The following ANKRD44 variants were observed in gnomAD, a reference collection of about 807,000 sequenced individuals.
The protein encoded by ANKRD44 is ankyrin repeat domain 44.
A neutral mutation model predicts 116.0 loss-of-function variants in ANKRD44; 35 were observed. That is an observed-to-expected ratio of 0.30 (90% CI 0.23 to 0.40). The LOEUF (loss-of-function observed/expected upper bound fraction) is 0.40, where lower values mean the gene tolerates loss of function less well. Among genes scored for constraint, ANKRD44 ranks in the 10% least tolerant of loss-of-function variants. The probability of loss-of-function intolerance (pLI) is 1.00; values close to 1 mark genes in which losing one functional copy is unlikely to be tolerated. For synonymous variants in ANKRD44, 435 were observed against 461.8 expected, an observed-to-expected ratio of 0.94 and a Z score of 0.74; for missense variants, 1,014 against 1,242.6, an observed-to-expected ratio of 0.82 and a Z score of 2.77.
rs35554022 is a variant in ANKRD44 at position 197,307,551 on chromosome 2, G to GGA, written c.27+3026_27+3027insTC. Reference sequence around the variant, plus strand: ...TAGCTCCCAGTTCCTTTTTTACAGTGAAAAAAAAAAAAAAAAGACTAAAAA... The same window carrying GGA: ...TAGCTCCCAGTTCCTTTTTTACAGTGGAAAAAAAAAAAAAAAAAGACTAAAAA... On this transcript the variant is annotated intron_variant, in intron 1 of 27. Transcript: ENST00000282272. Among the ~76,000 whole-genome samples the GGA allele has an allele frequency of 9.8e-4, 131 of 133,878 alleles. No homozygotes were observed. The Middle Eastern group carries it at 0.019, about 19-fold the overall frequency. The allele number at this position is 133,878 out of a possible 152,430, so 87.8% of individuals were successfully genotyped here. A position where few individuals can be genotyped will look rare whatever the true frequency, so the allele number is the denominator to read the frequency against.
intron 1 of ANKRD44, among the ~76,000 whole-genome samples, chr2:197,242,023 A>T (rs1248646039): frequency 6.6e-6 from 1 of 152,126 alleles, no homozygotes; most frequent in African/African-American, 2.4e-5. Flanking sequence ...TCTATATATA[A>T]AAACTTGCTA....
chr2:197,065,399 C>G (rs1045613347), intron 16 of ANKRD44, among the ~76,000 whole-genome samples: 1 of 152,080 alleles, frequency 6.6e-6, no homozygotes, highest in African/African-American at 2.4e-5. Flanking sequence ...ACTAGAGAAG[C>G]AAGAGCAAAC....
Position 197,212,147 on chromosome 2 carries a change from G to T in ANKRD44, c.28-25041C>A, listed in dbSNP as rs758207251. 6.6e-6 allele frequency among the ~76,000 whole-genome samples: 1 copy of T among 152,048 alleles called. No individual in the cohort carries two copies. The highest frequency in any genetic ancestry group is 1.5e-5 in the Non-Finnish European group (1 of 68,014). ...GAGTTTTGGAACTGGAACAAGGAGGGACTTTCTGGTGGATCAAAGTATGCT... is the reference window on the plus strand; with the variant it reads ...GAGTTTTGGAACTGGAACAAGGAGGTACTTTCTGGTGGATCAAAGTATGCT... On this transcript the variant is annotated intron_variant, in intron 1 of 27. Coordinates refer to ENST00000282272, the MANE Select transcript of ANKRD44 (RefSeq NM_001195144.2). The surrounding 1 kb of genome is among the most constrained non-coding windows in gnomAD (Gnocchi z 4.8).
intron 16 of ANKRD44, among the ~76,000 whole-genome samples, chr2:197,052,688 G>C (rs979443863): frequency 5.9e-5 from 9 of 152,076 alleles, no homozygotes; most frequent in African/African-American, 1.9e-4. Context: ...AAGGTGAGCT[G>C]CTCGCCTCAG....
chr2:197,257,693 A>G (rs2082487004), intron 1 of ANKRD44, among the ~76,000 whole-genome samples: 1 of 152,180 alleles, frequency 6.6e-6, no homozygotes, highest in Non-Finnish European at 1.5e-5. Flanking sequence ...CATTTCATGT[A>G]CCCCACAAAT....
Position 197,089,977 on chromosome 2 carries a change from C to G in ANKRD44, c.1156G>C (p.Asp386His). The stretch of plus-strand genomic sequence containing the variant: ...GATGATAACAACTTTCTGCAGCAGT[C>G]AGAGTGAGCATTTAGGGCAGCTAAA... ...LHLAALNAHS[D>H]CCRKLLSSGF... Residue 386 changes from aspartate to histidine, a missense_variant, in exon 11 of 28, where the codon GAC (aspartate) becomes CAC (histidine). Asp to His is a moderately conservative substitution (Grantham distance 81). Coordinates refer to ENST00000282272, the MANE Select transcript of ANKRD44 (RefSeq NM_001195144.2). 6.2e-7 allele frequency: 1 copy of G among 1,614,028 alleles called. No individual in the cohort carries two copies. The highest frequency in any genetic ancestry group is 8.5e-7 in the Non-Finnish European group (1 of 1,179,932).
intron 17 of ANKRD44, among the ~76,000 whole-genome samples, chr2:197,017,375 C>CTTATTTTA (rs2125929012): frequency 6.6e-6 from 1 of 152,146 alleles, no homozygotes; most frequent in East Asian, 1.9e-4. Context: ...ACTTATTTTA[C>CTTATTTTA]CTTATCTTTT....
At chr2:197,148,784 TGTC>T (rs1295422171) in intron 2 of ANKRD44, among the ~76,000 whole-genome samples, 2 of 152,240 alleles carry the variant, frequency 1.3e-5, no homozygotes, top group Non-Finnish European at 2.9e-5. Context: ...AAACTCATGT[TGTC>T]TATGTATGGC....
At chr2:197,196,679 T>G (rs984813520) in intron 1 of ANKRD44, among the ~76,000 whole-genome samples, 1 of 152,222 alleles carries the variant, frequency 6.6e-6, no homozygotes, top group Non-Finnish European at 1.5e-5. Flanking sequence ...TCAGTCACAT[T>G]AAATCATTCA....
intron 1 of ANKRD44, among the ~76,000 whole-genome samples, chr2:197,230,583 T>G (rs1168278994): frequency 1.3e-5 from 2 of 152,108 alleles, no homozygotes; most frequent in Admixed American, 1.3e-4. Flanking sequence ...AAAAGTATTT[T>G]TATGGCATGT....
chr2:197,091,063 T>C (rs1048906971), intron 10 of ANKRD44, among the ~76,000 whole-genome samples: 1 of 152,382 alleles, frequency 6.6e-6, no homozygotes. Context: ...GCTGGCCCTT[T>C]GCCCTCGCTG....
intron 2 of ANKRD44, among the ~76,000 whole-genome samples, chr2:197,148,135 A>G (rs919628561): frequency 6.6e-6 from 1 of 152,184 alleles, no homozygotes; most frequent in African/African-American, 2.4e-5. Context: ...AAGATCATAT[A>G]AGTAAATAAA....
chr2:197,099,979 C>A, intron 9 of ANKRD44, 49 bp from the exon 10 acceptor site: 1 of 1,551,214 alleles, frequency 6.4e-7, no homozygotes, highest in South Asian at 1.1e-5. Flanking sequence ...CAGGTTGATT[C>A]AGGTCCTATG....
rs569527043 is a variant in ANKRD44 at position 196,969,022 on chromosome 2, T to C, written c.2369-1576A>G. 3.9e-5 allele frequency among the ~76,000 whole-genome samples: 6 copies of C among 152,310 alleles called. No homozygotes were observed. In the East Asian group the frequency reaches 9.6e-4, roughly 24 times the overall value. ...ACCAGATACAACTTATTTATACATA[T>C]GTGCCACTCATACATTCACTTATTG... On this transcript the variant is annotated intron_variant, in intron 21 of 21. Transcript: ENST00000424317.
intron 16 of ANKRD44, among the ~76,000 whole-genome samples, chr2:197,034,541 TAAA>T (rs879318253): frequency 2.1e-5 from 3 of 139,836 alleles, no homozygotes; most frequent in South Asian, 4.6e-4. Context: ...GTCCTCTGCC[TAAA>T]AAAAAAAAAA....
intron 1 of ANKRD44, among the ~76,000 whole-genome samples, chr2:197,253,989 A>T (rs1018474643): frequency 2.0e-5 from 3 of 152,204 alleles, no homozygotes; most frequent in Admixed American, 1.3e-4. Context: ...GCCACCCACA[A>T]TGGGAGTATT....
intron 1 of ANKRD44, among the ~76,000 whole-genome samples, chr2:197,243,694 C>A (rs568284014): frequency 1.3e-5 from 2 of 152,198 alleles, no homozygotes; most frequent in Admixed American, 6.5e-5. Flanking sequence ...CTGTTCCTCA[C>A]GGATGGCACC....
chr2:197,008,796 A>G, intron 19 of ANKRD44, 148 bp downstream of exon 19: 2 of 662,310 alleles, frequency 3.0e-6, no homozygotes, highest in Non-Finnish European at 5.3e-6. Flanking sequence ...ACTGTGACTT[A>G]AAGCCACCTC....
At chr2:197,305,993 G>GA (rs927011457) in intron 1 of ANKRD44, among the ~76,000 whole-genome samples, 5 of 95,168 alleles carry the variant, frequency 5.3e-5, no homozygotes, top group Non-Finnish European at 1.0e-4. Flanking sequence ...ATATATATAT[G>GA]AAAAAAATCA....
Sources: gnomAD v4.1 joint callset for allele counts (sites outside exome capture counted in the v4.1 genomes callset) on GRCh38, gnomAD v4.1.1 for gene constraint, Gnocchi (gnomAD v3.1) non-coding constraint, MANE v1.5 for transcripts, NCBI Gene and HGNC (gene_info 2026-07-23, HGNC 2026-07-21) for gene names.